The following MYZAP variants were observed in gnomAD, a reference collection of about 807,000 sequenced individuals.
MYZAP encodes myocardial zonula adherens protein, also known as GRINL1A complex locus upstream.
MYZAP carries 66 observed loss-of-function variants against 69.4 expected under a neutral mutation model. The observed-to-expected ratio is 0.95, with a 90% confidence interval of 0.78 to 1.17. The LOEUF is 1.17. MYZAP is among the 50% of genes most tolerant of loss of function. The probability of loss-of-function intolerance (pLI) is 0.00; values close to 1 mark genes in which losing one functional copy is unlikely to be tolerated. For missense variants in MYZAP, 611 were observed against 556.2 expected (o/e 1.10, Z -0.99); for synonymous variants, 256 against 205.9 (o/e 1.24, Z -2.09).
chr15:57,616,475 T>C (rs1459141676), intron 2 of MYZAP, among the ~76,000 whole-genome samples: 1 of 152,144 alleles, frequency 6.6e-6, no homozygotes, highest in Non-Finnish European at 1.5e-5. Context: ...CCGTCTCTAC[T>C]GAAAATACAA....
chr15:57,616,801 C>T (rs1221557336), intron 2 of MYZAP, among the ~76,000 whole-genome samples: 7 of 102,972 alleles, frequency 6.8e-5, no homozygotes, highest in African/African-American at 2.5e-4. Flanking sequence ...CAGAGTGAGA[C>T]TCCATCTAAA....
chr15:57,632,806 C>T (rs552942717), intron 7 of MYZAP, among the ~76,000 whole-genome samples: 2 of 152,192 alleles, frequency 1.3e-5, no homozygotes, highest in African/African-American at 4.8e-5. Context: ...TTTTCTAGCT[C>T]ATCTGACAAT....
At chr15:57,659,251 AT>A (rs2038159240) in intron 10 of MYZAP, among the ~76,000 whole-genome samples, 2 of 151,854 alleles carry the variant, frequency 1.3e-5, no homozygotes, top group South Asian at 4.2e-4. Flanking sequence ...CATCTAGTTT[AT>A]TTTTTTGTCC....
intron 4 of MYZAP, among the ~76,000 whole-genome samples, chr15:57,621,997 A>G (rs1327242748): frequency 6.6e-6 from 1 of 152,216 alleles, no homozygotes; most frequent in Non-Finnish European, 1.5e-5. Flanking sequence ...TGGCCAAACA[A>G]GAGAAATAAA....
intron 8 of MYZAP, 38 bp downstream of exon 8, chr15:57,633,779 A>C (rs200890662): frequency 4.7e-6 from 7 of 1,479,314 alleles, no homozygotes; most frequent in Non-Finnish European, 6.3e-6. Context: ...CACTTGCCCA[A>C]ACTTTTCCCT....
chr15:57,625,537 T>G (rs1365327527), intron 4 of MYZAP, among the ~76,000 whole-genome samples: 1 of 152,230 alleles, frequency 6.6e-6, no homozygotes, highest in Non-Finnish European at 1.5e-5. Context: ...GACAACATTC[T>G]GACTCCTGCA....
chr15:57,661,556 G>T, intron 11 of MYZAP, 23 bp downstream of exon 11: 1 of 1,585,034 alleles, frequency 6.3e-7, no homozygotes, highest in East Asian at 2.2e-5. Context: ...GTTTCTTTAA[G>T]TTGGTGTCTT....
intron 12 of MYZAP, among the ~76,000 whole-genome samples, chr15:57,676,908 C>T (rs776098998): frequency 6.6e-6 from 1 of 152,146 alleles, no homozygotes; most frequent in Non-Finnish European, 1.5e-5. Flanking sequence ...ATAAATGTAA[C>T]ATTTGGTTTC....
intron 3 of MYZAP, among the ~76,000 whole-genome samples, chr15:57,620,165 T>G (rs1413032114): frequency 6.6e-6 from 1 of 152,180 alleles, no homozygotes; most frequent in Non-Finnish European, 1.5e-5. Flanking sequence ...CCCAAAATGT[T>G]TGTACTTCAT....
chr15:57,648,353 T>C (rs759454393), intron 10 of MYZAP: 30 of 985,456 alleles, frequency 3.0e-5, no homozygotes, highest in Non-Finnish European at 3.1e-5. Flanking sequence ...ATTGTTCTAA[T>C]TGACTTTGAA....
intron 10 of MYZAP, among the ~76,000 whole-genome samples, chr15:57,654,474 C>T (rs1304132504): frequency 2.0e-5 from 3 of 152,092 alleles, no homozygotes; most frequent in African/African-American, 4.8e-5. Flanking sequence ...AGGCATTTTT[C>T]GTGTTTGTTA....
At chr15:57,654,738 A>G (rs2037924810) in intron 10 of MYZAP, among the ~76,000 whole-genome samples, 2 of 152,198 alleles carry the variant, frequency 1.3e-5, no homozygotes, top group South Asian at 4.1e-4. Flanking sequence ...TAATGGGAAG[A>G]AATTCCAGGA....
intron 2 of MYZAP, among the ~76,000 whole-genome samples, chr15:57,613,869 G>A (rs928085014): frequency 3.3e-5 from 5 of 152,070 alleles, no homozygotes; most frequent in Non-Finnish European, 7.3e-5. Flanking sequence ...AAAAGAGACT[G>A]TTTCTTAATA....
At chr15:57,610,714 C>T (rs534059627) in intron 2 of MYZAP, among the ~76,000 whole-genome samples, 2 of 152,238 alleles carry the variant, frequency 1.3e-5, no homozygotes, top group South Asian at 2.1e-4. Context: ...CAAGGTGCAG[C>T]GGGTGGAGCT....
intron 4 of MYZAP, among the ~76,000 whole-genome samples, chr15:57,625,209 G>A (rs1261419161): frequency 6.6e-6 from 1 of 152,102 alleles, no homozygotes. Context: ...ACGAAGCTGG[G>A]ATTACAAGCG....
intron 5 of MYZAP, among the ~76,000 whole-genome samples, chr15:57,626,242 C>T (rs904836774): frequency 1.7e-4 from 26 of 152,154 alleles, no homozygotes; most frequent in African/African-American, 5.3e-4. Flanking sequence ...GGAAGTGCCA[C>T]CTAATCACAG....
At chr15:57,639,971 G>A (rs1238351795) in intron 10 of MYZAP, among the ~76,000 whole-genome samples, 1 of 152,030 alleles carries the variant, frequency 6.6e-6, no homozygotes, top group Admixed American at 6.6e-5. Flanking sequence ...CGTTTTCTGG[G>A]TGTGTCTTTC....
chr15:57,669,998 G>A (rs1042498841), intron 11 of MYZAP, among the ~76,000 whole-genome samples: 1 of 152,050 alleles, frequency 6.6e-6, no homozygotes, highest in African/African-American at 2.4e-5. Context: ...AACACAGCTT[G>A]TATGGTTTTA....
intron 11 of MYZAP, among the ~76,000 whole-genome samples, chr15:57,664,945 A>C (rs1231792809): frequency 6.6e-6 from 1 of 152,218 alleles, no homozygotes; most frequent in Non-Finnish European, 1.5e-5. Context: ...GTTAATACTT[A>C]AGTGATTAGA....
Sources: gnomAD v4.1 joint callset for allele counts (sites outside exome capture counted in the v4.1 genomes callset) on GRCh38, gnomAD v4.1.1 for gene constraint, MANE v1.5 for transcripts, NCBI Gene and HGNC (gene_info 2026-07-23, HGNC 2026-07-21) for gene names.